The following MTHFD2L variants were observed in gnomAD, a reference collection of about 807,000 sequenced individuals.
MTHFD2L encodes the protein methylenetetrahydrofolate dehydrogenase (NADP+ dependent) 2 like.
Under a neutral mutation model 34.9 loss-of-function variants are expected in MTHFD2L, and 29 were observed. That is an observed-to-expected ratio of 0.83 (90% confidence interval 0.62 to 1.13). MTHFD2L has a LOEUF of 1.13. Among genes scored for constraint, MTHFD2L ranks in the 50% most tolerant of loss-of-function variants. The pLI, the probability that MTHFD2L is intolerant of heterozygous loss-of-function variation, is 0.00. For synonymous variants in MTHFD2L, 167 were observed against 155.7 expected (o/e 1.07, Z -0.54); for missense variants, 481 against 446.5 (o/e 1.08, Z -0.70).
chr4:74,130,689 C>A (rs1455720297), intron 1 of MTHFD2L, among the ~76,000 whole-genome samples: 1 of 152,162 alleles, frequency 6.6e-6, no homozygotes, highest in Non-Finnish European at 1.5e-5. Context: ...GACAAGGATG[C>A]CCTCTCTCAC....
intron 1 of MTHFD2L, among the ~76,000 whole-genome samples, chr4:74,171,171 A>G (rs753956463): frequency 6.6e-6 from 1 of 152,196 alleles, no homozygotes; most frequent in Non-Finnish European, 1.5e-5. Flanking sequence ...ACAACCTACT[A>G]AACAATGGGC....
At chr4:74,197,039 C>T (rs932813964) in intron 3 of MTHFD2L, among the ~76,000 whole-genome samples, 2 of 151,058 alleles carry the variant, frequency 1.3e-5, no homozygotes, top group Non-Finnish European at 2.9e-5. Context: ...TGTTTTATTA[C>T]AGTGGTTCAG....
intron 1 of MTHFD2L, among the ~76,000 whole-genome samples, chr4:74,141,474 C>A (rs916901025): frequency 6.6e-6 from 1 of 152,192 alleles, no homozygotes; most frequent in Non-Finnish European, 1.5e-5. Context: ...CTCCTCCTTG[C>A]CATTCACAGT....
At chr4:74,271,330 CTTGAATTAATTT>C (rs1240277104) in intron 6 of MTHFD2L, among the ~76,000 whole-genome samples, 1 of 152,146 alleles carries the variant, frequency 6.6e-6, no homozygotes, top group Non-Finnish European at 1.5e-5. Flanking sequence ...TTTAATCCAT[CTTGAATTAATTT>C]TTGTATAAGG....
chr4:74,174,519 A>T lies in MTHFD2L; in HGVS notation c.157A>T (p.Ile53Phe), dbSNP rs533800594. Residue 53 changes from isoleucine (I) to phenylalanine (F), a missense_variant, in exon 2 of 8, where the codon ATT becomes TTT. By Grantham distance (21) the Ile-to-Phe change is conservative. Transcript: ENST00000325278. Reference protein sequence around the residue: ...RSSGVRHEAIIISGTEMAKHI... With the variant: ...RSSGVRHEAIFISGTEMAKHI... ...TGCTTTCCACAGACATGAAGCCATT[A>T]TTATATCAGGAACCGAAATGGCCAA... 1 of 1,552,776 alleles carries T rather than the reference A, an allele frequency of 6.4e-7. No individual in the cohort carries two copies. The highest frequency in any genetic ancestry group is 1.2e-5 in the South Asian group (1 of 80,530).
At position 74,208,379 on chromosome 4, in the gene MTHFD2L, C is replaced by T. The variant is rs577802512; in HGVS notation, c.712+7009C>T. Among the ~76,000 whole-genome samples the T allele has an allele frequency of 9.9e-4, 150 of 152,180 alleles. 1 individual carries two copies. Among genetic ancestry groups the T allele is most frequent in the African/African-American group, 3.5e-3 (145 of 41,542 alleles). The stretch of plus-strand genomic sequence containing the variant: ...GCCATTTAGTATCTGCACAGCACTG[C>T]ACTTGGAAATTATACATTATTATCA... On this transcript the variant is annotated intron_variant, in intron 5 of 7. Coordinates refer to ENST00000325278, the MANE Select transcript of MTHFD2L (RefSeq NM_001144978.3).
At position 74,211,442 on chromosome 4, in the gene MTHFD2L, CAT is replaced by C. The variant is rs758460203; in HGVS notation, c.712+10073_712+10074del. On this transcript the variant is annotated intron_variant, in intron 5 of 7. Coordinates refer to ENST00000325278, the MANE Select transcript of MTHFD2L (RefSeq NM_001144978.3). ...CCTTTTCCGCATCTATTGAGATAAT[CAT>C]GTGGTTTTTGTCTTTGGTTCTGTTT... 4.6e-5 allele frequency among the ~76,000 whole-genome samples: 7 copies of C among 152,236 alleles called. 1 individual carries two copies. The East Asian group carries it at 1.4e-3, about 29-fold the overall frequency.
At chr4:74,141,110 G>A (rs1442566593) in intron 1 of MTHFD2L, among the ~76,000 whole-genome samples, 2 of 152,098 alleles carry the variant, frequency 1.3e-5, no homozygotes, top group African/African-American at 4.8e-5. Flanking sequence ...TAACTTCAAA[G>A]ATGAAAACCA....
At chr4:74,194,701 C>G (rs2110033960) in intron 3 of MTHFD2L, 1 of 152,230 alleles carries the variant, frequency 6.6e-6, no homozygotes, top group Middle Eastern at 3.4e-3. Flanking sequence ...AGGTGTAAAC[C>G]AATCGTGGCC....
rs553012139 is a variant in MTHFD2L, at chr4:74,275,891, G to A, written c.806-5534G>A. 6.6e-5 allele frequency among the ~76,000 whole-genome samples: 10 copies of A among 152,182 alleles called. No individual in the cohort carries two copies. In the South Asian group the frequency reaches 1.9e-3, roughly 28 times the overall value. On this transcript the variant is annotated intron_variant, in intron 6 of 7. Transcript: ENST00000325278. ...GATTGCAAAAATTTTCTCCTATTCTGTATGTTGCCTGTTCACTCTGATGAT... is the reference window on the plus strand; with the variant it reads ...GATTGCAAAAATTTTCTCCTATTCTATATGTTGCCTGTTCACTCTGATGAT...
In MTHFD2L at chr4:74,277,673, C is replaced by G. The variant is rs548087436; in HGVS notation, c.806-3752C>G. On this transcript the variant is annotated intron_variant, in intron 6 of 7. Coordinates refer to ENST00000325278, the MANE Select transcript of MTHFD2L (RefSeq NM_001144978.3). ...TCTTTATACTGAGCTAAAAGATACTCCCTCCCTTTGTGTTTTTTCCTTTCT... is the reference window on the plus strand; with the variant it reads ...TCTTTATACTGAGCTAAAAGATACTGCCTCCCTTTGTGTTTTTTCCTTTCT... Among the ~76,000 whole-genome samples the G allele has an allele frequency of 3.9e-5, 6 of 152,128 alleles. No individual in the cohort carries two copies. The South Asian group carries it at 1.2e-3, about 32-fold the overall frequency.
At chr4:74,169,234 A>G (rs1727391085) in intron 1 of MTHFD2L, among the ~76,000 whole-genome samples, 1 of 152,196 alleles carries the variant, frequency 6.6e-6, no homozygotes, top group African/African-American at 2.4e-5. Context: ...ACAGTCTTAG[A>G]CTTGAGTATG....
At chr4:74,234,796 A>AGTGTGTGT (rs139133412) in intron 6 of MTHFD2L, among the ~76,000 whole-genome samples, 28,678 of 149,350 alleles carry the variant, frequency 0.19, 2,700 homozygotes, top group Admixed American at 0.24. Flanking sequence ...AAAAGGAGAC[A>AGTGTGTGT]GTGTGTGTGT....
At chr4:74,293,881 G>A (rs1749310530) in intron 7 of MTHFD2L, among the ~76,000 whole-genome samples, 1 of 152,150 alleles carries the variant, frequency 6.6e-6, no homozygotes, top group Admixed American at 6.6e-5. Flanking sequence ...TTAGAAGCAT[G>A]GGAAAATACT....
In MTHFD2L at chr4:74,225,396, T is replaced by G. The variant is rs1209592115; in HGVS notation, c.805+2T>G. On this transcript the variant is annotated splice_donor_variant, in intron 6 of 7. Coordinates refer to ENST00000325278, the MANE Select transcript of MTHFD2L (RefSeq NM_001144978.3). LOFTEE classifies it high-confidence loss of function. ...CAGATATTATCATAGTTGCTGCAGG[T>G]AAGTCCTTAGTGACTGTTATTTTTT... 1 of 1,611,178 alleles carries G rather than the reference T, an allele frequency of 6.2e-7. No individual in the cohort carries two copies. The highest frequency in any genetic ancestry group is 1.7e-5 in the Admixed American group (1 of 59,848).
intron 1 of MTHFD2L, among the ~76,000 whole-genome samples, chr4:74,143,837 T>A (rs1332367052): frequency 6.6e-6 from 1 of 152,122 alleles, no homozygotes; most frequent in African/African-American, 2.4e-5. Context: ...AAAAGCATTA[T>A]GTTCAGATAG....
At position 74,140,549 on chromosome 4, in the gene MTHFD2L, T is replaced by C; in HGVS notation, c.-297+15032T>C. 4.1e-6 allele frequency: 4 copies of C among 979,616 alleles called. No homozygotes were observed. The South Asian group carries it at 1.9e-4, about 46-fold the overall frequency. 60.7% of individuals were successfully genotyped at this position (979,616 alleles called of 1,614,324 possible). A position where few individuals can be genotyped will look rare whatever the true frequency, so the allele number is the denominator to read the frequency against. ...CACACCTTTTTCATGTTGTGCATTATTCATTTAGGCTATACTACAAAAAAG... is the reference window on the plus strand; with the variant it reads ...CACACCTTTTTCATGTTGTGCATTACTCATTTAGGCTATACTACAAAAAAG... On this transcript the variant is annotated intron_variant, in intron 1 of 7. Transcript: ENST00000433372.
chr4:74,293,224 GTGA>G (rs1195594798), intron 7 of MTHFD2L, among the ~76,000 whole-genome samples: 7 of 151,976 alleles, frequency 4.6e-5, no homozygotes, highest in Admixed American at 3.3e-4. Flanking sequence ...GCCCCAGTGT[GTGA>G]TGTTCCCCTC....
chr4:74,159,329 A>C (rs1724902385), intron 1 of MTHFD2L, among the ~76,000 whole-genome samples: 1 of 152,206 alleles, frequency 6.6e-6, no homozygotes, highest in Non-Finnish European at 1.5e-5. Flanking sequence ...GTTGGGTAAG[A>C]ATGTTCCACT....
Sources: gnomAD v4.1 joint callset for allele counts (sites outside exome capture counted in the v4.1 genomes callset) on GRCh38, gnomAD v4.1.1 for gene constraint, MANE v1.5 for transcripts, NCBI Gene and HGNC (gene_info 2026-07-23, HGNC 2026-07-21) for gene names.